Variants in THSD4 observed in about 807,000 individuals in gnomAD.
THSD4 encodes the protein thrombospondin type-1 domain-containing protein 4.
A neutral mutation model predicts 119.0 loss-of-function variants in THSD4; 69 were observed. The observed-to-expected ratio is 0.58, with a 90% CI of 0.48 to 0.71. THSD4 has a LOEUF of 0.71. THSD4 is among the 30% of genes least tolerant of loss of function. The pLI, the probability that THSD4 is intolerant of heterozygous loss-of-function variation, is 0.00. For synonymous variants in THSD4, 524 were observed against 540.4 expected (o/e 0.97, Z 0.42); for missense variants, 1,393 against 1,391.1 (o/e 1.00, Z -0.02).
intron 7 of THSD4, among the ~76,000 whole-genome samples, chr15:71,576,957 C>T (rs1057185764): frequency 6.6e-6 from 1 of 151,862 alleles, no homozygotes; most frequent in Non-Finnish European, 1.5e-5. Context: ...TCCCAAAAGC[C>T]TATATTGGAG....
chr15:71,519,632 G>A (rs867741126), intron 7 of THSD4, among the ~76,000 whole-genome samples: 10 of 152,228 alleles, frequency 6.6e-5, no homozygotes, highest in Admixed American at 1.3e-4. Flanking sequence ...AAAGTGCTGG[G>A]ATGACAGGCA....
intron 7 of THSD4, among the ~76,000 whole-genome samples, chr15:71,574,552 CACTA>C (rs1173001132): frequency 3.3e-5 from 5 of 152,254 alleles, no homozygotes; most frequent in South Asian, 4.1e-4. Flanking sequence ...AATCTCCTTT[CACTA>C]ACTAAGTCAG....
chr15:71,682,905 T>TTTCTTTCTTTC (rs2051821303), intron 8 of THSD4, among the ~76,000 whole-genome samples: 1 of 52,448 alleles, frequency 1.9e-5, no homozygotes, highest in African/African-American at 9.6e-5. Context: ...TCTTTCTTTC[T>TTTCTTTCTTTC]TTCTTCTTCT....
chr15:71,163,182 TATA>T (rs913935391), intron 3 of THSD4, among the ~76,000 whole-genome samples: 12 of 151,900 alleles, frequency 7.9e-5, no homozygotes, highest in Admixed American at 7.2e-4. Context: ...CCTTTAGGGG[TATA>T]ATATTTCCTT....
intron 7 of THSD4, among the ~76,000 whole-genome samples, chr15:71,445,244 T>G (rs1372547653): frequency 6.6e-6 from 1 of 152,136 alleles, no homozygotes; most frequent in Non-Finnish European, 1.5e-5. Context: ...AGACCTCTTT[T>G]AAGACACCCA....
intron 16 of THSD4, among the ~76,000 whole-genome samples, chr15:71,768,665 C>T (rs1047059186): frequency 2.7e-5 from 4 of 148,332 alleles, no homozygotes; most frequent in Non-Finnish European, 4.5e-5. Context: ...CCCAGGTTCA[C>T]GCCATTCTCC....
At chr15:71,260,816 C>G (rs1241173215) in intron 6 of THSD4, among the ~76,000 whole-genome samples, 1 of 152,132 alleles carries the variant, frequency 6.6e-6, no homozygotes, top group Non-Finnish European at 1.5e-5. Flanking sequence ...AAAGGTACCC[C>G]TAGGCCAGGT....
rs11287381 is a variant in THSD4, at chr15:71,362,970, TAAAA to T, written c.1016-48699_1016-48696del. Reference sequence around the variant, plus strand: ...CTAACACGAATGATAGCTGATGAGCTAAAAAAAAAAAAAAAAAAAAATCACAAAA... The same window carrying T: ...CTAACACGAATGATAGCTGATGAGCTAAAAAAAAAAAAAAAAATCACAAAA... On this transcript the variant is annotated intron_variant, in intron 6 of 17. Coordinates refer to ENST00000261862, the MANE Select transcript of THSD4 (RefSeq NM_024817.3). Among the ~76,000 whole-genome samples the T allele has an allele frequency of 4.8e-3, 645 of 134,984 alleles. 3 individuals are homozygous for T. The highest frequency in any genetic ancestry group is 0.011 in the African/African-American group (397 of 34,872). 88.6% of individuals were successfully genotyped at this position (134,984 alleles called of 152,430 possible).
intron 7 of THSD4, among the ~76,000 whole-genome samples, chr15:71,417,336 A>G (rs1177918988): frequency 9.3e-6 from 1 of 107,644 alleles, no homozygotes; most frequent in East Asian, 3.1e-4. Context: ...GAGTTCCCCC[A>G]ATGTTTTCTT....
chr15:71,669,429 T>C (rs2051477606), intron 8 of THSD4, among the ~76,000 whole-genome samples: 1 of 152,222 alleles, frequency 6.6e-6, no homozygotes, highest in Admixed American at 6.5e-5. Flanking sequence ...TCTTTTTTTA[T>C]TATACTTTAA....
Position 71,660,740 on chromosome 15 carries a change from C to T in THSD4, c.1357+6C>T, listed in dbSNP as rs764855258. On this transcript the variant is annotated splice_donor_region_variant and intron_variant, in intron 8 of 17. Coordinates refer to ENST00000261862, the MANE Select transcript of THSD4 (RefSeq NM_024817.3). ...CAAGAGCAACAACTATTTGGGTAAG[C>T]TTGGTCTTTTTCCAGAGAAAACCGT... The T allele has an allele frequency of 6.2e-7, 1 of 1,614,024 alleles. No homozygotes were observed. Among genetic ancestry groups the T allele is most frequent in the Non-Finnish European group, 8.5e-7 (1 of 1,179,982 alleles).
At chr15:71,738,099 C>A in intron 11 of THSD4, 92 bp downstream of exon 11, 2 of 1,503,802 alleles carry the variant, frequency 1.3e-6, no homozygotes, top group South Asian at 1.3e-5. Flanking sequence ...GCTTTTTTGG[C>A]ACCAGGGACT....
chr15:71,469,698 G>T (rs1475608870), intron 7 of THSD4, among the ~76,000 whole-genome samples: 1 of 152,194 alleles, frequency 6.6e-6, no homozygotes, highest in Non-Finnish European at 1.5e-5. Flanking sequence ...CGGCAAGAAG[G>T]CAGGAATTTC....
chr15:71,713,681 T>C (rs1429058556), intron 8 of THSD4, among the ~76,000 whole-genome samples: 1 of 152,152 alleles, frequency 6.6e-6, no homozygotes, highest in Non-Finnish European at 1.5e-5. Context: ...CAAAGTAGAA[T>C]TTAGATATTA....
At chr15:71,165,462 G>T (rs1205308853) in intron 3 of THSD4, 5 of 1,346,958 alleles carry the variant, frequency 3.7e-6, no homozygotes, top group Non-Finnish European at 5.2e-6. Context: ...CCCAGTGCCC[G>T]TCCGGCTCTC....
At chr15:71,354,038 C>T (rs887961909) in intron 6 of THSD4, among the ~76,000 whole-genome samples, 6 of 152,202 alleles carry the variant, frequency 3.9e-5, no homozygotes, top group South Asian at 2.1e-4. Context: ...AGCTCATGCC[C>T]ATAATCCCAG....
intron 7 of THSD4, among the ~76,000 whole-genome samples, chr15:71,566,408 C>G (rs2049240795): frequency 1.3e-5 from 2 of 152,172 alleles, no homozygotes; most frequent in Non-Finnish European, 2.9e-5. Flanking sequence ...TGAGCATCTA[C>G]TTTGTGGTCA....
intron 7 of THSD4, among the ~76,000 whole-genome samples, chr15:71,520,870 A>G (rs1351903722): frequency 1.3e-5 from 2 of 152,214 alleles, no homozygotes; most frequent in Non-Finnish European, 2.9e-5. Context: ...GCAAGTGAAG[A>G]AGATATGTTT....
chr15:71,748,890 A>G (rs771320412), intron 14 of THSD4, among the ~76,000 whole-genome samples: 2 of 152,178 alleles, frequency 1.3e-5, no homozygotes, highest in Non-Finnish European at 2.9e-5. Flanking sequence ...ATGTCTTGTA[A>G]GTGCCTGGTG....
Sources: allele counts gnomAD v4.1 joint callset (sites outside exome capture counted in the v4.1 genomes callset), GRCh38; gene constraint gnomAD v4.1.1; transcripts MANE v1.5; gene names NCBI Gene and HGNC (gene_info 2026-07-23, HGNC 2026-07-21).